Variants in CADM2 observed in about 807,000 individuals in gnomAD.
CADM2 encodes cell adhesion molecule 2, also known as immunoglobulin superfamily member 4D.
A neutral mutation model predicts 49.8 loss-of-function variants in CADM2; 12 were observed. That is an observed-to-expected ratio of 0.24 (90% CI 0.15 to 0.39). The LOEUF (loss-of-function observed/expected upper bound fraction) is 0.39. Ranked by LOEUF, CADM2 falls within the 10% of genes least tolerant of loss-of-function variation. CADM2 has a pLI of 1.00. For synonymous variants in CADM2, 214 were observed against 175.4 expected, an observed-to-expected ratio of 1.22 and a Z score of -1.74; for missense variants, 378 against 492.3, an observed-to-expected ratio of 0.77 and a Z score of 2.20.
chr3:85,319,074 A>G (rs1312249506), intron 1 of CADM2, among the ~76,000 whole-genome samples: 1 of 152,202 alleles, frequency 6.6e-6, no homozygotes, highest in Non-Finnish European at 1.5e-5. Context: ...ATTAAAGGCA[A>G]ATCAAAAGGT....
chr3:86,056,400 G>A (rs1186559435), intron 8 of CADM2, among the ~76,000 whole-genome samples: 4 of 152,140 alleles, frequency 2.6e-5, no homozygotes, highest in East Asian at 1.9e-4. Context: ...TACCATGTTC[G>A]GATACATTTT....
intron 1 of CADM2, among the ~76,000 whole-genome samples, chr3:85,556,127 T>A (rs1029240755): frequency 1.3e-5 from 2 of 152,158 alleles, no homozygotes; most frequent in Non-Finnish European, 2.9e-5. Context: ...ACCAATAACA[T>A]AAACAGTAGA....
At chr3:85,212,172 T>C (rs946577170) in intron 1 of CADM2, among the ~76,000 whole-genome samples, 6 of 152,206 alleles carry the variant, frequency 3.9e-5, no homozygotes, top group African/African-American at 1.2e-4. Context: ...TGTGTCTTTA[T>C]AGATAAAGTG....
At chr3:85,783,394 A>T (rs533823999) in intron 2 of CADM2, among the ~76,000 whole-genome samples, 2 of 152,196 alleles carry the variant, frequency 1.3e-5, no homozygotes, top group Non-Finnish European at 2.9e-5. Flanking sequence ...CTTATTTGGC[A>T]TATGTCCAAG....
chr3:85,776,504 A>C (rs2070369294), intron 2 of CADM2, among the ~76,000 whole-genome samples: 1 of 152,020 alleles, frequency 6.6e-6, no homozygotes, highest in Non-Finnish European at 1.5e-5. Context: ...TTAATAACTT[A>C]TTATTTGAAT....
intron 1 of CADM2, among the ~76,000 whole-genome samples, chr3:85,495,164 A>C (rs772018622): frequency 2.0e-5 from 3 of 152,162 alleles, no homozygotes; most frequent in Non-Finnish European, 4.4e-5. Context: ...ATAGCCTGCA[A>C]GTAGTTAAAG....
chr3:85,687,807 C>T (rs1379503279), intron 1 of CADM2, among the ~76,000 whole-genome samples: 2 of 152,170 alleles, frequency 1.3e-5, no homozygotes, highest in African/African-American at 4.8e-5. Context: ...ACACTGCTTG[C>T]CATGGACCAG....
At chr3:85,257,877 C>G (rs557418091) in intron 1 of CADM2, among the ~76,000 whole-genome samples, 2 of 152,008 alleles carry the variant, frequency 1.3e-5, no homozygotes, top group East Asian at 3.9e-4. Context: ...AATGACAGAC[C>G]GCTGATACTT....
intron 1 of CADM2, among the ~76,000 whole-genome samples, chr3:85,232,590 C>G (rs2042319453): frequency 6.6e-6 from 1 of 151,828 alleles, no homozygotes; most frequent in Admixed American, 6.6e-5. Flanking sequence ...AGACAAACAA[C>G]CCAATTAAAA....
intron 1 of CADM2, among the ~76,000 whole-genome samples, chr3:85,588,442 G>A (rs922198059): frequency 3.9e-5 from 6 of 151,990 alleles, no homozygotes; most frequent in African/African-American, 9.7e-5. Context: ...CAAGCAAGCA[G>A]CAATAAGAGC....
At chr3:85,681,850 AT>A (rs1220249357) in intron 1 of CADM2, among the ~76,000 whole-genome samples, 7 of 152,136 alleles carry the variant, frequency 4.6e-5, no homozygotes, top group African/African-American at 1.2e-4. Flanking sequence ...TCAGGTTAAA[AT>A]TATTGCAAAA....
chr3:85,386,807 T>A (rs939701828), intron 1 of CADM2, among the ~76,000 whole-genome samples: 3 of 152,042 alleles, frequency 2.0e-5, no homozygotes, highest in Admixed American at 2.0e-4. Context: ...AGGGAGAAAA[T>A]CTTCATATTT....
At chr3:86,064,781 T>A (rs1287746953) in intron 8 of CADM2, among the ~76,000 whole-genome samples, 1 of 152,240 alleles carries the variant, frequency 6.6e-6, no homozygotes. Context: ...CATCCTTTTC[T>A]GGGCTGATTT....
chr3:85,358,388 A>C (rs1316412258), intron 1 of CADM2, among the ~76,000 whole-genome samples: 1 of 137,534 alleles, frequency 7.3e-6, no homozygotes, highest in East Asian at 2.0e-4. Context: ...ATCATTTTCC[A>C]AAAAAAATAT....
At chr3:85,370,557 A>C (rs1448870929) in intron 1 of CADM2, among the ~76,000 whole-genome samples, 2 of 152,202 alleles carry the variant, frequency 1.3e-5, no homozygotes, top group African/African-American at 2.4e-5. Context: ...ATGAAAACAA[A>C]CCTACTGTGT....
chr3:85,680,005 A>C (rs968881245), intron 1 of CADM2, among the ~76,000 whole-genome samples: 1 of 152,114 alleles, frequency 6.6e-6, no homozygotes, highest in Non-Finnish European at 1.5e-5. Context: ...TACCCATAAA[A>C]CATTAAAAAA....
intron 1 of CADM2, among the ~76,000 whole-genome samples, chr3:85,460,995 C>T (rs1428320288): frequency 1.3e-5 from 2 of 152,078 alleles, no homozygotes; most frequent in Non-Finnish European, 2.9e-5. Flanking sequence ...TTATTTTTGC[C>T]TGTGAGTTCA....
intron 1 of CADM2, among the ~76,000 whole-genome samples, chr3:85,515,523 A>C (rs997180024): frequency 1.3e-5 from 2 of 149,092 alleles, no homozygotes; most frequent in African/African-American, 4.9e-5. Context: ...CCCGGGTTCA[A>C]GCGATTCTCC....
At chr3:85,843,923 C>G (rs1191852558) in intron 3 of CADM2, among the ~76,000 whole-genome samples, 1 of 151,710 alleles carries the variant, frequency 6.6e-6, no homozygotes, top group African/African-American at 2.4e-5. Flanking sequence ...ACTAAAAAAA[C>G]AAACCTGATG....
Sources: allele counts gnomAD v4.1 joint callset (sites outside exome capture counted in the v4.1 genomes callset), GRCh38; gene constraint gnomAD v4.1.1; transcripts MANE v1.5; gene names NCBI Gene and HGNC (gene_info 2026-07-23, HGNC 2026-07-21).